Variants in IGSF5 observed in about 807,000 individuals in gnomAD.
IGSF5 encodes the protein immunoglobulin superfamily 5 like.
In IGSF5, 41 loss-of-function variants were observed where a neutral mutation model predicts 39.4. The ratio of observed to expected loss-of-function variants is 1.04; its 90% confidence interval spans 0.81 to 1.35. The LOEUF is 1.35. Ranked by LOEUF, IGSF5 falls within the 40% of genes most tolerant of loss-of-function variation. The pLI is 0.00. For synonymous variants in IGSF5, 183 were observed against 175.3 expected (o/e 1.04, Z -0.34); for missense variants, 487 against 494.6 (o/e 0.98, Z 0.15).
At chr21:39,795,724 T>C (rs2086992247) in intron 8 of IGSF5, among the ~76,000 whole-genome samples, 1 of 151,680 alleles carries the variant, frequency 6.6e-6, no homozygotes, top group African/African-American at 2.4e-5. Flanking sequence ...AAATAATCAA[T>C]CGGTGGAAAA....
At chr21:39,781,109 C>G (rs2080167977) in intron 5 of IGSF5, among the ~76,000 whole-genome samples, 1 of 152,168 alleles carries the variant, frequency 6.6e-6, no homozygotes, top group Admixed American at 6.5e-5. Flanking sequence ...AAGGTCTAGT[C>G]TTAGTTCCTC....
chr21:39,766,371 A>G (rs1043657448), intron 3 of IGSF5, among the ~76,000 whole-genome samples: 4 of 152,182 alleles, frequency 2.6e-5, no homozygotes, highest in Non-Finnish European at 4.4e-5. Context: ...TCTTTGATTT[A>G]GAGACAGTTG....
chr21:39,715,006 TCTTCCTTC>T, the IGSF5 span, among the ~76,000 whole-genome samples: 11 of 151,392 alleles, frequency 7.3e-5, no homozygotes, highest in East Asian at 3.9e-4. Context: ...GGGCCAGGAC[TCTTCCTTC>T]CTTCCTTCCT....
intron 4 of IGSF5, among the ~76,000 whole-genome samples, chr21:39,771,591 T>C (rs1471427573): frequency 6.6e-6 from 1 of 152,224 alleles, no homozygotes; most frequent in African/African-American, 2.4e-5. Flanking sequence ...GTCTTCATAC[T>C]GGAGGAGGGT....
At chr21:39,716,309 C>G in the IGSF5 span, among the ~76,000 whole-genome samples, 1 of 152,114 alleles carries the variant, frequency 6.6e-6, no homozygotes, top group Non-Finnish European at 1.5e-5. Flanking sequence ...CATTTTGTTA[C>G]TAGCCACTCT....
chr21:39,780,494 A>T lies in IGSF5; in HGVS notation c.934+1189A>T, dbSNP rs190184955. Reference sequence around the variant, plus strand: ...TTAGATGCTATGGTTTTTTAGAATCATATCTACATATCTGAACATATTAAA... The same window carrying T: ...TTAGATGCTATGGTTTTTTAGAATCTTATCTACATATCTGAACATATTAAA... On this transcript the variant is annotated intron_variant, in intron 5 of 8. Transcript: ENST00000380588. Among the ~76,000 whole-genome samples the T allele has an allele frequency of 3.3e-5, 5 of 152,344 alleles. 1 individual carries two copies. The highest frequency in any genetic ancestry group is 3.3e-4 in the Admixed American group (5 of 15,296).
At chr21:39,742,433 G>A (rs2079952404), upstream of IGSF5, among the ~76,000 whole-genome samples, 1 of 152,214 alleles carries the variant, frequency 6.6e-6, no homozygotes, top group African/African-American at 2.4e-5. Context: ...CCAGGAGACA[G>A]TTAACCTCTT....
chr21:39,767,610 G>A (rs563183219), intron 3 of IGSF5, among the ~76,000 whole-genome samples: 1 of 152,266 alleles, frequency 6.6e-6, no homozygotes, highest in African/African-American at 2.4e-5. Context: ...TATTTATTGT[G>A]CTCCCAATAA....
the IGSF5 span, among the ~76,000 whole-genome samples, chr21:39,737,182 G>GA: frequency 5.9e-3 from 812 of 137,786 alleles, 5 homozygotes; most frequent in African/African-American, 0.015. Flanking sequence ...TTGTTCGTGT[G>GA]AAAAAAAAAA....
At chr21:39,792,170 T>C (rs1021997750) in intron 7 of IGSF5, 71 bp downstream of exon 7, 5 of 1,001,766 alleles carry the variant, frequency 5.0e-6, no homozygotes, top group Non-Finnish European at 7.6e-6. Flanking sequence ...GCTTGCTAGA[T>C]ACCAGCTGCA....
Position 39,745,248 on chromosome 21 carries a change from G to A in IGSF5, c.-262G>A, listed in dbSNP as rs2079967853. Reference sequence around the variant, plus strand: ...CCCTGGCAAGGGTGGTGGGGAATGGGTCCTGCATAACTGCTCATGTCAAGA... The same window carrying A: ...CCCTGGCAAGGGTGGTGGGGAATGGATCCTGCATAACTGCTCATGTCAAGA... On this transcript the variant is annotated 5_prime_UTR_variant, in exon 1 of 9. Transcript: ENST00000380588. Among the ~76,000 whole-genome samples, 1 of 151,814 alleles carries A rather than the reference G, an allele frequency of 6.6e-6. No homozygotes were observed. The highest frequency in any genetic ancestry group is 1.5e-5 in the Non-Finnish European group (1 of 67,966).
chr21:39,757,332 T>C lies in IGSF5; in HGVS notation c.101-8203T>C, dbSNP rs1025592290. Among the ~76,000 whole-genome samples the C allele has an allele frequency of 3.4e-5, 5 of 147,388 alleles. No homozygotes were observed. In the South Asian group the frequency reaches 9.0e-4, roughly 27 times the overall value. On this transcript the variant is annotated intron_variant, in intron 2 of 8. Transcript: ENST00000380588. ...GCAGGAGTTTTTTCTCAGTGATTAG[T>C]GATTGAAACGAATGTAATAAGCCCA...
At chr21:39,783,021 A>G (rs1213075530) in intron 5 of IGSF5, among the ~76,000 whole-genome samples, 2 of 152,146 alleles carry the variant, frequency 1.3e-5, no homozygotes, top group East Asian at 1.9e-4. Context: ...ACTTAACACA[A>G]TGCCCTCCAG....
chr21:39,764,708 T>C (rs746710939), intron 2 of IGSF5, among the ~76,000 whole-genome samples: 1 of 152,148 alleles, frequency 6.6e-6, no homozygotes, highest in Admixed American at 6.5e-5. Flanking sequence ...CTACCCAGTG[T>C]ATATGTTGGC....
chr21:39,796,897 C>G (rs1160934474), intron 8 of IGSF5, among the ~76,000 whole-genome samples: 3 of 152,228 alleles, frequency 2.0e-5, no homozygotes, highest in Non-Finnish European at 4.4e-5. Flanking sequence ...GCAACTAAAG[C>G]TCCTGCTTTG....
At chr21:39,790,662 AAAC>A (rs370185627) in intron 6 of IGSF5, among the ~76,000 whole-genome samples, 2 of 152,172 alleles carry the variant, frequency 1.3e-5, no homozygotes, top group African/African-American at 4.8e-5. Flanking sequence ...TGTCACCAAG[AAAC>A]AACAACAACA....
chr21:39,750,604 G>A (rs945165874), intron 2 of IGSF5, among the ~76,000 whole-genome samples: 1 of 151,138 alleles, frequency 6.6e-6, no homozygotes, highest in African/African-American at 2.5e-5. Flanking sequence ...GCAAAGCCAC[G>A]TTCCTGTGTT....
At chr21:39,744,665 C>T (rs34656803), upstream of IGSF5, among the ~76,000 whole-genome samples, 701 of 152,292 alleles carry the variant, frequency 4.6e-3, 9 homozygotes, top group Admixed American at 6.1e-3. Context: ...GAATTATCAG[C>T]GGTTGGAGTT....
intron 7 of IGSF5, among the ~76,000 whole-genome samples, chr21:39,792,367 T>C (rs931086997): frequency 6.6e-6 from 1 of 151,856 alleles, no homozygotes; most frequent in African/African-American, 2.4e-5. Flanking sequence ...CATCACACAC[T>C]GGGGCCTGCC....
Sources: allele counts gnomAD v4.1 joint callset (sites outside exome capture counted in the v4.1 genomes callset), GRCh38; gene constraint gnomAD v4.1.1; transcripts MANE v1.5; gene names NCBI Gene and HGNC (gene_info 2026-07-23, HGNC 2026-07-21).